FRY: variants seen among roughly 807,000 people sequenced by gnomAD.
FRY encodes the protein protein furry homolog.
A neutral mutation model predicts 348.4 loss-of-function variants in FRY; 128 were observed. That is an observed-to-expected ratio of 0.37 (90% CI 0.32 to 0.43). The LOEUF (loss-of-function observed/expected upper bound fraction) is 0.43. FRY is among the 20% of genes least tolerant of loss of function. The pLI, the probability that FRY is intolerant of heterozygous loss-of-function variation, is 1.00. For synonymous variants in FRY, 1,370 were observed against 1,374.7 expected (o/e 1.00, Z 0.08); for missense variants, 2,736 against 3,695.2 (o/e 0.74, Z 6.73).
chr13:32,172,810 G>C (rs932531672), intron 18 of FRY, among the ~76,000 whole-genome samples: 2 of 152,126 alleles, frequency 1.3e-5, no homozygotes, highest in African/African-American at 4.8e-5. Context: ...ATGCTTGTAA[G>C]GGGAAAACAA....
intron 20 of FRY, among the ~76,000 whole-genome samples, chr13:32,177,163 T>C (rs963640440): frequency 6.6e-6 from 1 of 152,234 alleles, no homozygotes; most frequent in African/African-American, 2.4e-5. Context: ...TGAAAATTGA[T>C]GTCCCCTGAA....
intron 35 of FRY, among the ~76,000 whole-genome samples, chr13:32,217,540 G>A (rs1227543292): frequency 6.6e-6 from 1 of 152,170 alleles, no homozygotes; most frequent in Non-Finnish European, 1.5e-5. Context: ...GTATTATTAT[G>A]ATGCCCTTTT....
intron 3 of FRY, among the ~76,000 whole-genome samples, chr13:32,103,955 C>T (rs1877360333): frequency 6.7e-6 from 1 of 148,288 alleles, no homozygotes; most frequent in African/African-American, 2.5e-5. Context: ...AGTGAGACCG[C>T]ATCTCGAAAA....
intron 39 of FRY, among the ~76,000 whole-genome samples, chr13:32,227,078 G>A (rs958825474): frequency 6.6e-6 from 1 of 152,130 alleles, no homozygotes; most frequent in African/African-American, 2.4e-5. Context: ...TGTGTAATCA[G>A]TTTTGCATTT....
At chr13:32,191,608 C>T (rs1330558227) in intron 28 of FRY, among the ~76,000 whole-genome samples, 1 of 152,132 alleles carries the variant, frequency 6.6e-6, no homozygotes, top group Non-Finnish European at 1.5e-5. Context: ...GGCTTATCAA[C>T]AACAGAAATT....
chr13:32,272,745 G>GT lies in FRY; in HGVS notation c.8137-2089dup, dbSNP rs563327661. Among the ~76,000 whole-genome samples, 644 of 151,864 alleles carry GT rather than the reference G, an allele frequency of 4.2e-3. 2 individuals are homozygous for GT. The highest frequency in any genetic ancestry group is 0.015 in the African/African-American group (604 of 41,418). On this transcript the variant is annotated intron_variant, in intron 55 of 60. Coordinates refer to ENST00000542859, the MANE Select transcript of FRY (RefSeq NM_023037.3). The stretch of plus-strand genomic sequence containing the variant: ...TGTTTGTTTGTTTTGGTTTTTGTTG[G>GT]TTTTTTTTGAGACGGAGTCTTTCTC...
chr13:32,222,360 C>T (rs745442022), intron 36 of FRY, among the ~76,000 whole-genome samples: 36 of 152,086 alleles, frequency 2.4e-4, no homozygotes, highest in Non-Finnish European at 5.0e-4. Flanking sequence ...TGTGGAGAGC[C>T]GCTGGAGGGT....
chr13:32,231,063 T>A (rs1885882661), intron 40 of FRY, 116 bp from the exon 41 acceptor site: 1 of 798,912 alleles, frequency 1.3e-6, no homozygotes, highest in Admixed American at 2.5e-5. Context: ...CTTTGTCAGA[T>A]GCATAGATTG....
At chr13:32,117,197 A>AATT in intron 3 of FRY, 137 bp from the exon 4 acceptor site, 1 of 771,300 alleles carries the variant, frequency 1.3e-6, no homozygotes, top group Non-Finnish European at 2.2e-6. Flanking sequence ...TGTACTAATA[A>AATT]AGATTATGAA....
At chr13:32,212,653 C>T (rs934658040) in intron 35 of FRY, among the ~76,000 whole-genome samples, 15 of 152,116 alleles carry the variant, frequency 9.9e-5, no homozygotes, top group Admixed American at 5.9e-4. Context: ...TAGTAAAAAC[C>T]ATGAGTTGTT....
intron 29 of FRY, among the ~76,000 whole-genome samples, 179 bp from the exon 30 acceptor site, chr13:32,201,762 T>C (rs771609392): frequency 8.7e-4 from 132 of 152,324 alleles, no homozygotes; most frequent in Non-Finnish European, 1.4e-3. Flanking sequence ...AATAAAGTCA[T>C]TTTCCTTTAT....
chr13:32,070,653 A>G (rs1874592226), intron 1 of FRY, among the ~76,000 whole-genome samples: 1 of 150,370 alleles, frequency 6.7e-6, no homozygotes, highest in East Asian at 2.0e-4. Context: ...ATTTTGTCCT[A>G]TTCTGTAGGT....
rs556470144 is a variant in FRY, at chr13:32,274,546, T to C, written c.8137-296T>C. ...AGTGAAACCCCGTCTCTACTAAAAA[T>C]ACAAAAAATTAGCCAGGCGTGGTGG... On this transcript the variant is annotated intron_variant, in intron 55 of 60. Transcript: ENST00000542859. Among the ~76,000 whole-genome samples the C allele has an allele frequency of 6.0e-5, 9 of 151,110 alleles. No homozygotes were observed. In the South Asian group the frequency reaches 6.3e-4, roughly 11 times the overall value.
At chr13:32,077,265 A>G (rs1188374022) in intron 1 of FRY, among the ~76,000 whole-genome samples, 4 of 152,212 alleles carry the variant, frequency 2.6e-5, no homozygotes, top group Non-Finnish European at 5.9e-5. Flanking sequence ...TTTTGAGCAG[A>G]AAAGTGTTAT....
chr13:32,169,416 A>G (rs761964901), intron 17 of FRY, among the ~76,000 whole-genome samples: 15 of 152,224 alleles, frequency 9.9e-5, no homozygotes, highest in Non-Finnish European at 2.2e-4. Flanking sequence ...CACATGGATC[A>G]TTCAGTGACC....
At chr13:32,099,319 GAT>G (rs752805436) in intron 2 of FRY, among the ~76,000 whole-genome samples, 3 of 150,654 alleles carry the variant, frequency 2.0e-5, no homozygotes, top group Non-Finnish European at 4.4e-5. Flanking sequence ...AAAATACAGA[GAT>G]ATATATATAT....
intron 59 of FRY, among the ~76,000 whole-genome samples, chr13:32,290,677 G>A (rs1193607895): frequency 1.3e-5 from 2 of 152,132 alleles, no homozygotes; most frequent in Non-Finnish European, 2.9e-5. Flanking sequence ...ATGACAGCTA[G>A]AACAGAGACA....
chr13:32,162,444 C>T (rs1377282188), intron 17 of FRY, among the ~76,000 whole-genome samples: 3 of 152,098 alleles, frequency 2.0e-5, no homozygotes, highest in East Asian at 3.8e-4. Context: ...TGTGGAGCCC[C>T]GCACCTCCTG....
chr13:32,127,640 G>A (rs888882139), intron 7 of FRY, among the ~76,000 whole-genome samples: 12 of 152,130 alleles, frequency 7.9e-5, no homozygotes, highest in Non-Finnish European at 1.5e-4. Context: ...TTAGCTGGGA[G>A]TGGTGGCACG....
Sources: gnomAD v4.1 joint callset for allele counts (sites outside exome capture counted in the v4.1 genomes callset) on GRCh38, gnomAD v4.1.1 for gene constraint, MANE v1.5 for transcripts, NCBI Gene and HGNC (gene_info 2026-07-23, HGNC 2026-07-21) for gene names.